MAP2K5: variants seen among roughly 807,000 people sequenced by gnomAD.
The protein encoded by MAP2K5 is mitogen-activated protein kinase kinase 5, also known as dual specificity mitogen-activated protein kinase kinase 5.
MAP2K5 carries 49 observed loss-of-function variants against 83.1 expected under a neutral mutation model. The observed-to-expected ratio is 0.59, with a 90% CI of 0.47 to 0.75. The LOEUF is 0.75. MAP2K5 is among the 30% of genes least tolerant of loss of function. MAP2K5 has a pLI of 0.00. For missense variants in MAP2K5, 457 were observed against 557.5 expected, an observed-to-expected ratio of 0.82 and a Z score of 1.82; for synonymous variants, 202 against 191.8, an observed-to-expected ratio of 1.05 and a Z score of -0.44.
intron 13 of MAP2K5, among the ~76,000 whole-genome samples, chr15:67,679,000 A>G (rs918617419): frequency 6.6e-6 from 1 of 151,732 alleles, no homozygotes; most frequent in Non-Finnish European, 1.5e-5. Flanking sequence ...TTACAAGGAA[A>G]TTACCGTTTG....
intron 11 of MAP2K5, among the ~76,000 whole-genome samples, chr15:67,649,153 C>G (rs1204145752): frequency 1.3e-5 from 2 of 152,172 alleles, no homozygotes; most frequent in African/African-American, 2.4e-5. Flanking sequence ...TGTTGAGCAT[C>G]TTTTCATGTG....
At position 67,563,684 on chromosome 15, in the gene MAP2K5, T is replaced by G. The variant is rs1292061283; in HGVS notation, c.252+334T>G. ...AAATGAACCCCTGGGCTCTAAAAAA[T>G]TTTTCAAAATCTACTTTCAACTGGA... On this transcript the variant is annotated intron_variant, in intron 3 of 21. Coordinates refer to ENST00000178640, the MANE Select transcript of MAP2K5 (RefSeq NM_145160.3). The surrounding 1 kb of genome is among the most constrained non-coding windows in gnomAD (Gnocchi z 4.5). 6.6e-6 allele frequency among the ~76,000 whole-genome samples: 1 copy of G among 152,054 alleles called. No homozygotes were observed. The highest frequency in any genetic ancestry group is 1.5e-5 in the Non-Finnish European group (1 of 67,998).
intron 16 of MAP2K5, among the ~76,000 whole-genome samples, chr15:67,710,037 C>T (rs1192643629): frequency 6.6e-6 from 1 of 152,076 alleles, no homozygotes; most frequent in East Asian, 1.9e-4. Context: ...TGCCCCCCAC[C>T]CTTTTTTAGA....
In MAP2K5 at chr15:67,543,222, GT is replaced by G; in HGVS notation, c.-110del. On this transcript the variant is annotated 5_prime_UTR_variant, in exon 1 of 22. Coordinates refer to ENST00000178640, the MANE Select transcript of MAP2K5 (RefSeq NM_145160.3). This position sits in a 1 kb window ranked among gnomAD's most constrained non-coding sequence, Gnocchi z 4.3. ...CCTCCCCCTCATCCTCCATTCCCTT[GT>G]TTTCACCCTCTGTCCTCTGCCCGTC... is the stretch of plus-strand genomic sequence containing the variant. 2.8e-6 allele frequency: 3 copies of G among 1,082,044 alleles called. No homozygotes were observed. The highest frequency in any genetic ancestry group is 4.8e-5 in the East Asian group (2 of 41,780). The allele number at this position is 1,082,044 out of a possible 1,614,324, so 67.0% of individuals were successfully genotyped here. A position where few individuals can be genotyped will look rare whatever the true frequency, so the allele number is the denominator to read the frequency against.
intron 3 of MAP2K5, among the ~76,000 whole-genome samples, chr15:67,571,341 G>A (rs1449325988): frequency 1.3e-5 from 2 of 152,178 alleles, no homozygotes; most frequent in African/African-American, 4.8e-5. Flanking sequence ...TCCTGCCCTT[G>A]TTGAGCTTCC....
At chr15:67,631,157 G>A (rs2086465142) in intron 9 of MAP2K5, among the ~76,000 whole-genome samples, 1 of 152,174 alleles carries the variant, frequency 6.6e-6, no homozygotes, top group Non-Finnish European at 1.5e-5. Flanking sequence ...TTGCCAAGAA[G>A]AGAAAATTTC....
At chr15:67,606,594 G>A (rs1484232808) in intron 8 of MAP2K5, among the ~76,000 whole-genome samples, 3 of 152,182 alleles carry the variant, frequency 2.0e-5, no homozygotes, top group Admixed American at 6.6e-5. Context: ...GCTGGGCAGT[G>A]GGCTGGGGAT....
At position 67,559,733 on chromosome 15, in the gene MAP2K5, G is replaced by T. The variant is rs191035854; in HGVS notation, c.185-3550G>T. 1.1e-3 allele frequency among the ~76,000 whole-genome samples: 163 copies of T among 152,152 alleles called. 1 individual carries two copies. Among genetic ancestry groups the T allele is most frequent in the African/African-American group, 3.9e-3 (160 of 41,500 alleles). On this transcript the variant is annotated intron_variant, in intron 2 of 21. Transcript: ENST00000178640. The surrounding 1 kb of genome is among the most constrained non-coding windows in gnomAD (Gnocchi z 4.7). ...ATGTGCTGGAAAATCATATTACTAT[G>T]CTCCAGGCAACTAGAGAAGCCTGGA... is the stretch of plus-strand genomic sequence containing the variant.
intron 8 of MAP2K5, among the ~76,000 whole-genome samples, chr15:67,608,021 T>C (rs1224601800): frequency 6.6e-6 from 1 of 152,204 alleles, no homozygotes; most frequent in Non-Finnish European, 1.5e-5. Context: ...AGTTTTGAAG[T>C]GGCAAGACTT....
chr15:67,800,349 G>A (rs1379344889), intron 21 of MAP2K5, among the ~76,000 whole-genome samples: 2 of 152,048 alleles, frequency 1.3e-5, no homozygotes, highest in African/African-American at 2.4e-5. Flanking sequence ...ATCCATTGTA[G>A]ACACTTCTTT....
rs1189934142 is a variant in MAP2K5, at chr15:67,802,950, A to AGG, written c.1243-3695_1243-3694dup. On this transcript the variant is annotated intron_variant, in intron 21 of 21. Coordinates refer to ENST00000178640, the MANE Select transcript of MAP2K5 (RefSeq NM_145160.3). The surrounding 1 kb of genome is among the most constrained non-coding windows in gnomAD (Gnocchi z 5.0). ...AGGTTGGCTGTCTGATTGCAGGCAC[A>AGG]GGAGAGCAAGGCGTTTGGAGTCGGA... Among the ~76,000 whole-genome samples the AGG allele has an allele frequency of 3.3e-5, 5 of 152,216 alleles. No homozygotes were observed. Among genetic ancestry groups the AGG allele is most frequent in the African/African-American group, 1.2e-4 (5 of 41,458 alleles).
At chr15:67,631,009 A>C in intron 9 of MAP2K5, 82 bp downstream of exon 9, 1 of 1,139,278 alleles carries the variant, frequency 8.8e-7, no homozygotes, top group Non-Finnish European at 1.3e-6. Context: ...AGATATTGTC[A>C]AAGAGGAGAT....
intron 19 of MAP2K5, among the ~76,000 whole-genome samples, chr15:67,752,127 A>C (rs1306348034): frequency 1.3e-5 from 2 of 151,942 alleles, no homozygotes; most frequent in African/African-American, 4.8e-5. Context: ...GTGGAGTGGC[A>C]CAACCTCCGC....
rs1050343995 is a variant in MAP2K5 at position 67,777,318 on chromosome 15, C to T, written c.1242+4566C>T. 2.6e-5 allele frequency among the ~76,000 whole-genome samples: 4 copies of T among 152,146 alleles called. No individual in the cohort carries two copies. The highest frequency in any genetic ancestry group is 1.9e-4 in the East Asian group (1 of 5,196). ...ACAGTTACAATTTGGGCTCAGAGTA[C>T]GGTAGATCTTTCTATGCATTTAGAG... On this transcript the variant is annotated intron_variant, in intron 21 of 21. Transcript: ENST00000178640. The surrounding 1 kb of genome is among the most constrained non-coding windows in gnomAD (Gnocchi z 6.0).
intron 8 of MAP2K5, among the ~76,000 whole-genome samples, chr15:67,603,349 A>G (rs949566079): frequency 1.3e-5 from 2 of 152,168 alleles, no homozygotes; most frequent in Non-Finnish European, 2.9e-5. Flanking sequence ...CAAGTTTTTT[A>G]ATTTGCTAGA....
chr15:67,575,918 T>TTCTTTC (rs1555527938), intron 3 of MAP2K5, among the ~76,000 whole-genome samples: 2 of 128,436 alleles, frequency 1.6e-5, no homozygotes, highest in Non-Finnish European at 3.4e-5. Context: ...CTTTCTTTCT[T>TTCTTTC]TTTTTTTTTT....
chr15:67,803,597 T>C (rs2090744149), intron 21 of MAP2K5, among the ~76,000 whole-genome samples: 1 of 152,044 alleles, frequency 6.6e-6, no homozygotes, highest in South Asian at 2.1e-4. Flanking sequence ...CTGTCTTCCC[T>C]CCCTGGGCCT....
In MAP2K5 at chr15:67,719,127, A is replaced by ATCTTTTTCTTCCTTGGC. The variant is rs1480991652; in HGVS notation, c.1045-8788_1045-8772dup. ...CATGAGTTCAATTCATTTAATTCTA[A>ATCTTTTTCTTCCTTGGC]TCTTTTTCTTCCTTGGCAACCTTTT... is the stretch of plus-strand genomic sequence containing the variant. On this transcript the variant is annotated intron_variant, in intron 16 of 21. Coordinates refer to ENST00000178640, the MANE Select transcript of MAP2K5 (RefSeq NM_145160.3). This position sits in a 1 kb window ranked among gnomAD's most constrained non-coding sequence, Gnocchi z 4.6. Among the ~76,000 whole-genome samples, 1 of 152,128 alleles carries ATCTTTTTCTTCCTTGGC rather than the reference A, an allele frequency of 6.6e-6. No homozygotes were observed. The highest frequency in any genetic ancestry group is 2.4e-5 in the African/African-American group (1 of 41,408).
chr15:67,597,211 T>C (rs1226137293), intron 7 of MAP2K5, among the ~76,000 whole-genome samples: 1 of 152,012 alleles, frequency 6.6e-6, no homozygotes, highest in Non-Finnish European at 1.5e-5. Context: ...CTTGGTATTG[T>C]TGTTGAATAA....
Sources: allele counts gnomAD v4.1 joint callset (sites outside exome capture counted in the v4.1 genomes callset), GRCh38; gene constraint gnomAD v4.1.1; non-coding constraint Gnocchi (gnomAD v3.1); transcripts MANE v1.5; gene names NCBI Gene and HGNC (gene_info 2026-07-23, HGNC 2026-07-21).